The following ABCC12 variants were observed in gnomAD, a reference collection of about 807,000 sequenced individuals.
ABCC12 encodes the protein ATP binding cassette subfamily C member 12.
ABCC12 carries 142 observed loss-of-function variants against 151.1 expected under a neutral mutation model. That is an observed-to-expected ratio of 0.94 (90% CI 0.82 to 1.08). The LOEUF (loss-of-function observed/expected upper bound fraction) is 1.08. Among genes scored for constraint, ABCC12 ranks in the 50% least tolerant of loss-of-function variants. The pLI is 0.00. For synonymous variants in ABCC12, 645 were observed against 646.4 expected (o/e 1.00, Z 0.03); for missense variants, 1,638 against 1,691.1 (o/e 0.97, Z 0.55).
At chr16:48,133,482 C>A (rs9938810) in intron 9 of ABCC12, among the ~76,000 whole-genome samples, 3 of 151,072 alleles carry the variant, frequency 2.0e-5, no homozygotes, top group South Asian at 2.1e-4. Context: ...GCCGCCATCA[C>A]GCCACTGCAC....
chr16:48,120,562 T>G (rs537862446), intron 13 of ABCC12, among the ~76,000 whole-genome samples: 34 of 151,872 alleles, frequency 2.2e-4, no homozygotes, highest in Admixed American at 2.2e-3. Flanking sequence ...TTTTTTGTTT[T>G]TTTTTTTTTT....
Position 48,133,669 on chromosome 16 carries a change from T to A in ABCC12, c.1128+18A>T. On this transcript the variant is annotated intron_variant, in intron 9 of 30. Transcript: ENST00000311303. ...GGGTCAGGTTGTGAAAGAGCCTCGATCTGGAGCCAGCTCTTACCACGGGTG... is the reference window on the plus strand; with the variant it reads ...GGGTCAGGTTGTGAAAGAGCCTCGAACTGGAGCCAGCTCTTACCACGGGTG... 6.2e-7 allele frequency: 1 copy of A among 1,612,352 alleles called. No homozygotes were observed. The highest frequency in any genetic ancestry group is 8.5e-7 in the Non-Finnish European group (1 of 1,179,142).
rs148881296 is a variant in ABCC12, at chr16:48,101,154, C to A, written c.2901-145G>T. 2,182 of 1,021,828 alleles carry A rather than the reference C, an allele frequency of 2.1e-3. 5 individuals are homozygous for A. The highest frequency in any genetic ancestry group is 3.2e-3 in the Admixed American group (109 of 34,318). 63.3% of individuals were successfully genotyped at this position (1,021,828 alleles called of 1,614,324 possible). A position where few individuals can be genotyped will look rare whatever the true frequency, so the allele number is the denominator to read the frequency against. On this transcript the variant is annotated intron_variant, in intron 22 of 30. Coordinates refer to ENST00000311303, the MANE Select transcript of ABCC12 (RefSeq NM_001393797.1). Reference sequence around the variant, plus strand: ...CTAACTGGGGATGAAGAGCAGCCTGCCATTCTGCAGTGGTGCCTGCCCCAG... The same window carrying A: ...CTAACTGGGGATGAAGAGCAGCCTGACATTCTGCAGTGGTGCCTGCCCCAG...
At chr16:48,148,276 C>T (rs1043258706) in intron 2 of ABCC12, among the ~76,000 whole-genome samples, 5 of 150,852 alleles carry the variant, frequency 3.3e-5, no homozygotes, top group African/African-American at 4.9e-5. Flanking sequence ...CTCACTCTGT[C>T]GCCAGGCTGG....
Position 48,142,869 on chromosome 16 carries a change from T to A in ABCC12, c.275+1041A>T, listed in dbSNP as rs1350234216. On this transcript the variant is annotated intron_variant, in intron 4 of 30. Transcript: ENST00000311303. ...AGTGGGGGGTAAGAAGAGGTACTGA[T>A]CTGAAGAAGACGGTAGCCCAGGGTG... Among the ~76,000 whole-genome samples, 4 of 152,284 alleles carry A rather than the reference T, an allele frequency of 2.6e-5. No individual in the cohort carries two copies. The South Asian group carries it at 8.3e-4, about 32-fold the overall frequency.
chr16:48,138,378 G>T lies in ABCC12; in HGVS notation c.832-3C>A. 6.2e-7 allele frequency: 1 copy of T among 1,610,362 alleles called. No individual in the cohort carries two copies. The highest frequency in any genetic ancestry group is 8.5e-7 in the Non-Finnish European group (1 of 1,177,210). ...GAATTGAGCTTGGCCATAAACATCT[G>T]AAATCAAGGTACAAACACTGTTTTC... On this transcript the variant is annotated splice_region_variant and splice_polypyrimidine_tract_variant and intron_variant, in intron 7 of 30. Coordinates refer to ENST00000311303, the MANE Select transcript of ABCC12 (RefSeq NM_001393797.1).
chr16:48,093,529 C>T (rs946748052), intron 24 of ABCC12, among the ~76,000 whole-genome samples: 50 of 152,176 alleles, frequency 3.3e-4, no homozygotes, highest in African/African-American at 1.1e-3. Context: ...GTCTTCCTAA[C>T]ATTTAAACAC....
rs750447879 is a variant in ABCC12 at position 48,128,642 on chromosome 16, C to G, written c.1332G>C (p.Glu444Asp). The change falls in exon 11 of 31, where the codon GAG (glutamate) becomes GAC (aspartate). Residue 444 changes from glutamate to aspartate, a missense_variant. Physicochemically the swap from Glu to Asp is conservative, Grantham distance 45 (BLOSUM62 2). Coordinates refer to ENST00000311303, the MANE Select transcript of ABCC12 (RefSeq NM_001393797.1). ...LLLANATLTWEHEASRKSTPK... is the reference protein window; with the variant it reads ...LLLANATLTWDHEASRKSTPK... ...GGGTACTTTTCCTGCTGGCTTCATG[C>G]TCCCATGTCAAGGTGGCATTTGCTA... 23 of 1,614,094 alleles carry G rather than the reference C, an allele frequency of 1.4e-5. No homozygotes were observed. The highest frequency in any genetic ancestry group is 1.4e-5 in the Non-Finnish European group (17 of 1,180,044).
Position 48,144,026 on chromosome 16 carries a change from G to A in ABCC12, c.159C>T (p.Ser53=), listed in dbSNP as rs766622682. 1.2e-6 allele frequency: 2 copies of A among 1,614,062 alleles called. No individual in the cohort carries two copies. Among genetic ancestry groups the A allele is most frequent in the Admixed American group, 1.7e-5 (1 of 59,998 alleles). ...PNPVDDAGLL[S]FATFSWLTPV... ...GCGTGAGCCAGGAAAATGTGGCGAAGGAGAGTAGCCCGGCATCATCCACCG... is the reference window on the plus strand; with the variant it reads ...GCGTGAGCCAGGAAAATGTGGCGAAAGAGAGTAGCCCGGCATCATCCACCG... Residue 53 remains serine (S), a synonymous_variant, in exon 4 of 31, where the codon TCC becomes TCT. Coordinates refer to ENST00000311303, the MANE Select transcript of ABCC12 (RefSeq NM_001393797.1).
rs1424001192 is a variant in ABCC12, at chr16:48,085,692, T to C, written c.3729A>G (p.Pro1243=). The change falls in exon 29 of 31, where the codon CCA becomes CCG. Residue 1243 remains proline (P), a synonymous_variant. Transcript: ENST00000311303. The part of the protein sequence containing the change: ...TFMRDTIMKL[P]EKLQAEVTEN... ...CTGTGACTTCTGCCTGTAATTTTTC[T>C]GGGAGTTTCATTATCTACAAAACAC... The C allele has an allele frequency of 4.3e-6, 7 of 1,613,936 alleles. No individual in the cohort carries two copies. Among genetic ancestry groups the C allele is most frequent in the Non-Finnish European group, 5.9e-6 (7 of 1,179,900 alleles).
rs1962439146 is a variant in ABCC12, at chr16:48,083,542, G to A, written c.*173C>T. On this transcript the variant is annotated 3_prime_UTR_variant, in exon 31 of 31. Transcript: ENST00000311303. ...GAACCAACCCCAAGCCCACCAAGTG[G>A]GGTGACATGGACTGAGTATGGCAGT... 2 of 701,544 alleles carry A rather than the reference G, an allele frequency of 2.9e-6. No homozygotes were observed. The allele number at this position is 701,544 out of a possible 1,614,324, so 43.5% of individuals were successfully genotyped here.
intron 2 of ABCC12, among the ~76,000 whole-genome samples, chr16:48,152,327 C>A (rs1382159479): frequency 6.6e-6 from 1 of 152,158 alleles, no homozygotes; most frequent in Non-Finnish European, 1.5e-5. Context: ...CAGAACCCAG[C>A]CCTGGTCTGG....
chr16:48,083,932 C>G lies in ABCC12; in HGVS notation c.3970G>C (p.Val1324Leu), dbSNP rs1469497491. ...ACCTTCCCATTTTCCATAACCAGGA[C>G]GTGATCGCAGTTGAGAACTGTGTTG... ...RLNTVLNCDH[V>L]LVMENGKVIE... Residue 1324 changes from valine to leucine, a missense_variant, in exon 30 of 31, where the codon GTC (valine) becomes CTC (leucine). Physicochemically the swap from Val to Leu is conservative, Grantham distance 32. Transcript: ENST00000311303. 3.1e-6 allele frequency: 5 copies of G among 1,612,488 alleles called. No homozygotes were observed. The highest frequency in any genetic ancestry group is 3.4e-6 in the Non-Finnish European group (4 of 1,179,610).
chr16:48,101,137 G>C, intron 22 of ABCC12, 128 bp from the exon 23 acceptor site: 1 of 1,144,536 alleles, frequency 8.7e-7, no homozygotes, highest in Non-Finnish European at 1.2e-6. Context: ...ATCTAACTGG[G>C]GATGAAGAGC....
chr16:48,134,525 T>A (rs2064943904), intron 8 of ABCC12, among the ~76,000 whole-genome samples: 1 of 152,192 alleles, frequency 6.6e-6, no homozygotes, highest in South Asian at 2.1e-4. Context: ...CCCCATCCAA[T>A]TGATCCATTG....
intron 2 of ABCC12, among the ~76,000 whole-genome samples, chr16:48,152,341 G>A (rs916711635): frequency 7.9e-5 from 12 of 152,246 alleles, no homozygotes; most frequent in African/African-American, 2.2e-4. Flanking sequence ...GGTCTGGATC[G>A]GAAGCAAGAA....
Position 48,081,678 on chromosome 16 carries a change from T to C in ABCC12, c.*2037A>G, listed in dbSNP as rs891756278. Among the ~76,000 whole-genome samples, 6 of 152,194 alleles carry C rather than the reference T, an allele frequency of 3.9e-5. No homozygotes were observed. Among genetic ancestry groups the C allele is most frequent in the Admixed American group, 1.3e-4 (2 of 15,284 alleles). On this transcript the variant is annotated 3_prime_UTR_variant, in exon 31 of 31. Coordinates refer to ENST00000311303, the MANE Select transcript of ABCC12 (RefSeq NM_001393797.1). ...GTCCTGGCACACTGCAAGGTCTCAG[T>C]AGACATCAGGATCAATGTCGGTGTT... is the stretch of plus-strand genomic sequence containing the variant.
chr16:48,134,457 G>T (rs1303882846), intron 8 of ABCC12, among the ~76,000 whole-genome samples: 1 of 152,222 alleles, frequency 6.6e-6, no homozygotes. Context: ...GTTCCCTATA[G>T]AAACTAAAGG....
Position 48,105,318 on chromosome 16 carries a change from C to T in ABCC12, c.2494G>A (p.Gly832Ser), listed in dbSNP as rs760248272. 3 of 1,611,538 alleles carry T rather than the reference C, an allele frequency of 1.9e-6. No individual in the cohort carries two copies. Among genetic ancestry groups the T allele is most frequent in the Admixed American group, 3.4e-5 (2 of 59,698 alleles). The change falls in exon 21 of 31, where the codon GGC becomes AGC. Residue 832 changes from glycine to serine, a missense_variant. Physicochemically the swap from Gly to Ser is moderately conservative, Grantham distance 56 (BLOSUM62 0). Transcript: ENST00000311303. ...KGSRMTCGPQGNRTMCEVGAV... is the reference protein window; with the variant it reads ...KGSRMTCGPQSNRTMCEVGAV... ...CCGACCTCACACATGGTCCTGTTGC[C>T]CTGGGGCCCACAGGTCATCTTTGGA...
Sources: gnomAD v4.1 joint callset for allele counts (sites outside exome capture counted in the v4.1 genomes callset) on GRCh38, gnomAD v4.1.1 for gene constraint, MANE v1.5 for transcripts, NCBI Gene and HGNC (gene_info 2026-07-23, HGNC 2026-07-21) for gene names.